Variants in PCDHGA5 observed in about 807,000 individuals in gnomAD.
PCDHGA5 encodes the protein protocadherin gamma-A5.
PCDHGA5 carries 36 observed loss-of-function variants against 56.7 expected under a neutral mutation model. The observed-to-expected ratio is 0.64, with a 90% CI of 0.49 to 0.84. PCDHGA5 has a LOEUF of 0.84. PCDHGA5 is among the 40% of genes least tolerant of loss of function. PCDHGA5 has a pLI of 0.00. For missense variants in PCDHGA5, 1,305 were observed against 1,201.5 expected (o/e 1.09, Z -1.27); for synonymous variants, 563 against 520.2 (o/e 1.08, Z -1.12).
At chr5:141,385,189 C>A (rs368141492) in intron 1 of PCDHGA5, 696 of 1,614,224 alleles carry the variant, frequency 4.3e-4, no homozygotes, top group Non-Finnish European at 5.4e-4. Flanking sequence ...CGCGGACTCT[C>A]GGAAGAGTCA....
At chr5:141,383,926 A>T in intron 1 of PCDHGA5, 1 of 1,613,888 alleles carries the variant, frequency 6.2e-7, no homozygotes. Flanking sequence ...TGTAAATGAT[A>T]ATGCTCCAGA....
At chr5:141,372,895 T>C in intron 1 of PCDHGA5, 1 of 1,115,450 alleles carries the variant, frequency 9.0e-7, no homozygotes, top group South Asian at 1.7e-5. Flanking sequence ...AGATTAAATA[T>C]TCCCTGATTA....
At chr5:141,385,495 T>C (rs1781231622) in intron 1 of PCDHGA5, 3 of 1,391,864 alleles carry the variant, frequency 2.2e-6, no homozygotes, top group African/African-American at 2.9e-5. Flanking sequence ...ACATAGGATA[T>C]AGTATTTCTT....
chr5:141,389,397 A>G (rs1196356712), intron 1 of PCDHGA5: 2 of 1,613,688 alleles, frequency 1.2e-6, no homozygotes, highest in Admixed American at 3.3e-5. Context: ...CTACGTGTCC[A>G]TAAGCGCGGA....
intron 1 of PCDHGA5, chr5:141,378,729 T>A (rs769149282): frequency 6.6e-6 from 1 of 152,216 alleles, no homozygotes; most frequent in East Asian, 1.9e-4. Flanking sequence ...GAACTCTTTA[T>A]TGAAATATTT....
intron 1 of PCDHGA5, chr5:141,393,092 G>A (rs2092676024): frequency 6.2e-7 from 1 of 1,613,644 alleles, no homozygotes; most frequent in Non-Finnish European, 8.5e-7. Flanking sequence ...TAGATCGGGA[G>A]GAGCTCTGCG....
intron 1 of PCDHGA5, chr5:141,413,602 G>A (rs1561743581): frequency 6.2e-7 from 1 of 1,613,860 alleles, no homozygotes; most frequent in Non-Finnish European, 8.5e-7. Flanking sequence ...AGAAAATCTA[G>A]ACGTAAAAAT....
chr5:141,381,133 C>A (rs1285338974), intron 1 of PCDHGA5, among the ~76,000 whole-genome samples: 2 of 152,202 alleles, frequency 1.3e-5, no homozygotes, highest in East Asian at 1.9e-4. Context: ...TGGAGCAATG[C>A]CACCAGAAAG....
At chr5:141,410,473 A>G (rs1347318074) in intron 1 of PCDHGA5, 1 of 1,614,028 alleles carries the variant, frequency 6.2e-7, no homozygotes, top group East Asian at 2.2e-5. Context: ...TGTGCATTGC[A>G]CATACGGGTA....
At chr5:141,384,969 G>C (rs996601457) in intron 1 of PCDHGA5, 1 of 1,614,014 alleles carries the variant, frequency 6.2e-7, no homozygotes, top group Admixed American at 1.7e-5. Flanking sequence ...ATGACCTCAC[G>C]TTGTACCTGG....
chr5:141,366,700 T>C lies in PCDHGA5; in HGVS notation c.2370T>C (p.Pro790=). 6.2e-7 allele frequency: 1 copy of C among 1,614,248 alleles called. No individual in the cohort carries two copies. The highest frequency in any genetic ancestry group is 8.5e-7 in the Non-Finnish European group (1 of 1,180,036). Residue 790 remains proline (P), a synonymous_variant, in exon 1 of 4, where the codon CCT becomes CCC. Transcript: ENST00000518069. Reference sequence around the variant, plus strand: ...AAGAGAGCTGTGAGAAAAGCGAGCCTCTTCTGATGTCTGATAAGGTAGATG... The same window carrying C: ...AAGAGAGCTGTGAGAAAAGCGAGCCCCTTCTGATGTCTGATAAGGTAGATG... ...LSEESCEKSE[P]LLMSDKVDAN...
At chr5:141,381,893 G>C (rs1777730137) in intron 1 of PCDHGA5, among the ~76,000 whole-genome samples, 1 of 121,222 alleles carries the variant, frequency 8.2e-6, no homozygotes, top group African/African-American at 3.2e-5. Context: ...GCAATGGTGT[G>C]ATCTCGGCTC....
rs535194185 is a variant in PCDHGA5, at chr5:141,485,480, A to C, written c.2422-9327A>C. 6.2e-7 allele frequency: 1 copy of C among 1,614,154 alleles called. No individual in the cohort carries two copies. The highest frequency in any genetic ancestry group is 1.7e-5 in the Admixed American group (1 of 60,020). On this transcript the variant is annotated intron_variant, in intron 1 of 3. Coordinates refer to ENST00000518069, the MANE Select transcript of PCDHGA5 (RefSeq NM_018918.3). This position sits in a 1 kb window ranked among gnomAD's most constrained non-coding sequence, Gnocchi z 5.7. The stretch of plus-strand genomic sequence containing the variant: ...ACTGTGTGGGCTCAGTGCCAGCTGC[A>C]TCGTGCCCCTGGAGTTTGTCACCGA...
At chr5:141,402,854 C>T (rs1589466051) in intron 1 of PCDHGA5, 2 of 1,423,530 alleles carry the variant, frequency 1.4e-6, no homozygotes, top group East Asian at 2.5e-5. Flanking sequence ...CCTCTTTCTT[C>T]TAAGGAAAAG....
intron 1 of PCDHGA5, among the ~76,000 whole-genome samples, chr5:141,446,150 A>G (rs754792549): frequency 6.6e-6 from 1 of 152,216 alleles, no homozygotes; most frequent in Non-Finnish European, 1.5e-5. Flanking sequence ...GAATAGGTGG[A>G]ATATAAATTT....
intron 1 of PCDHGA5, chr5:141,393,821 G>A: frequency 6.2e-7 from 1 of 1,613,734 alleles, no homozygotes; most frequent in South Asian, 1.1e-5. Context: ...TGCTCATTTC[G>A]GTGGAAGATG....
chr5:141,365,336 A>C lies in PCDHGA5; in HGVS notation c.1006A>C (p.Thr336Pro). ...TGTTGCCAGCGCTAAGGTGGTGGTC[A>C]CAGTACAGGACGTGAATGACAATGC... Reference protein sequence around the residue: ...ALVASAKVVVTVQDVNDNAPE... With the variant: ...ALVASAKVVVPVQDVNDNAPE... The change falls in exon 1 of 4, where the codon ACA becomes CCA. Residue 336 changes from threonine (T) to proline (P), a missense_variant. Thr to Pro is a conservative substitution (Grantham distance 38). Coordinates refer to ENST00000518069, the MANE Select transcript of PCDHGA5 (RefSeq NM_018918.3). 6.2e-7 allele frequency: 1 copy of C among 1,613,998 alleles called. No homozygotes were observed. The highest frequency in any genetic ancestry group is 1.1e-5 in the South Asian group (1 of 91,088).
chr5:141,391,872 CTT>C (rs1248262671), intron 1 of PCDHGA5: 1 of 152,168 alleles, frequency 6.6e-6, no homozygotes, highest in East Asian at 1.9e-4. Context: ...TTAATCATCT[CTT>C]TGGTGAAAGG....
intron 1 of PCDHGA5, chr5:141,403,591 G>A (rs1377998886): frequency 2.5e-6 from 4 of 1,613,836 alleles, no homozygotes; most frequent in East Asian, 2.2e-5. Context: ...TGGTCCTCAC[G>A]GCCTCGGATG....
Sources: allele counts gnomAD v4.1 joint callset (sites outside exome capture counted in the v4.1 genomes callset), GRCh38; gene constraint gnomAD v4.1.1; non-coding constraint Gnocchi (gnomAD v3.1); transcripts MANE v1.5; gene names NCBI Gene and HGNC (gene_info 2026-07-23, HGNC 2026-07-21).